The following DUSP19 variants were observed in gnomAD, a reference collection of about 807,000 sequenced individuals.
DUSP19 encodes the protein dual specificity protein phosphatase 19.
DUSP19 carries 14 observed loss-of-function variants against 16.6 expected under a neutral mutation model. The ratio of observed to expected loss-of-function variants is 0.84; its 90% CI spans 0.56 to 1.32. The LOEUF (loss-of-function observed/expected upper bound fraction) is 1.32. Among genes scored for constraint, DUSP19 ranks in the 40% most tolerant of loss-of-function variants. The probability of loss-of-function intolerance (pLI) is 0.00; values close to 1 mark genes in which losing one functional copy is unlikely to be tolerated. For synonymous variants in DUSP19, 81 were observed against 90.5 expected, an observed-to-expected ratio of 0.90 and a Z score of 0.59; for missense variants, 258 against 255.9, an observed-to-expected ratio of 1.01 and a Z score of -0.06.
At chr2:183,079,230 A>C in intron 1 of DUSP19, 71 bp downstream of exon 1, 2 of 1,395,088 alleles carry the variant, frequency 1.4e-6, no homozygotes, top group Non-Finnish European at 2.0e-6. Context: ...TTCCCCCTTT[A>C]TGCGTAATAG....
chr2:183,095,332 ATTTAC>A (rs976885985), intron 3 of DUSP19, 94 bp from the exon 4 acceptor site: 51 of 952,100 alleles, frequency 5.4e-5, no homozygotes, highest in Middle Eastern at 2.5e-4. Context: ...AAAACTGAAT[ATTTAC>A]TTTATACTTT....
intron 1 of DUSP19, 69 bp downstream of exon 1, chr2:183,079,228 T>C (rs1699561055): frequency 1.4e-5 from 20 of 1,404,938 alleles, no homozygotes; most frequent in Non-Finnish European, 1.4e-5. Context: ...TTTTCCCCCT[T>C]TATGCGTAAT....
chr2:183,083,352 G>A, intron 1 of DUSP19, 156 bp from the exon 2 acceptor site: 1 of 609,256 alleles, frequency 1.6e-6, no homozygotes, highest in South Asian at 2.7e-5. Context: ...AGTTTATGTA[G>A]GATGACTGTT....
chr2:183,091,210 T>C (rs1699727982), intron 3 of DUSP19, among the ~76,000 whole-genome samples: 1 of 152,198 alleles, frequency 6.6e-6, no homozygotes, highest in African/African-American at 2.4e-5. Context: ...AGAGACATTA[T>C]GGGTCTAAAT....
chr2:183,086,105 A>G (rs1421800885), intron 2 of DUSP19, among the ~76,000 whole-genome samples: 1 of 151,928 alleles, frequency 6.6e-6, no homozygotes, highest in Non-Finnish European at 1.5e-5. Context: ...CTGAAAGAAA[A>G]TATTTTACAA....
At position 183,095,682 on chromosome 2, in the gene DUSP19, C is replaced by T; in HGVS notation, c.*24C>T. On this transcript the variant is annotated 3_prime_UTR_variant, in exon 4 of 4. Transcript: ENST00000354221. ...GAGTTGCATTGTAGCAGACAATGGA[C>T]AACTGTAGTTTCTGAATTGACTTCT... The T allele has an allele frequency of 6.5e-7, 1 of 1,549,114 alleles. No homozygotes were observed. Among genetic ancestry groups the T allele is most frequent in the Non-Finnish European group, 8.9e-7 (1 of 1,128,548 alleles).
chr2:183,092,186 T>C (rs1699740853), intron 3 of DUSP19, among the ~76,000 whole-genome samples: 1 of 152,228 alleles, frequency 6.6e-6, no homozygotes, highest in African/African-American at 2.4e-5. Flanking sequence ...AAAATTCTTA[T>C]TTCATCATAG....
chr2:183,083,801 A>C (rs1029649171), intron 2 of DUSP19, among the ~76,000 whole-genome samples: 16 of 152,086 alleles, frequency 1.1e-4, no homozygotes, highest in African/African-American at 3.4e-4. Context: ...CCTTGGAGGC[A>C]TGTCTTTCTT....
In DUSP19 at chr2:183,094,934, T is replaced by C. The variant is rs1417178108; in HGVS notation, c.427-497T>C. ...ATTTTATTTTATGTTTCCACATATA[T>C]TTCCTGTGGTTTTTTTCTTATTTAT... is the stretch of plus-strand genomic sequence containing the variant. On this transcript the variant is annotated intron_variant, in intron 3 of 3. Transcript: ENST00000354221. Among the ~76,000 whole-genome samples the C allele has an allele frequency of 2.6e-5, 4 of 152,200 alleles. No homozygotes were observed. In the East Asian group the frequency reaches 7.7e-4, roughly 29 times the overall value.
In DUSP19 at chr2:183,095,903, A is replaced by C; in HGVS notation, c.*245A>C. Reference sequence around the variant, plus strand: ...TTAAATTGCTAAGGGAAAATAACAAAGTGTTAGTAATCATTGCTTTCTGTA... The same window carrying C: ...TTAAATTGCTAAGGGAAAATAACAACGTGTTAGTAATCATTGCTTTCTGTA... On this transcript the variant is annotated 3_prime_UTR_variant, in exon 4 of 4. Transcript: ENST00000354221. 3.5e-6 allele frequency: 1 copy of C among 285,672 alleles called. No homozygotes were observed. Among genetic ancestry groups the C allele is most frequent in the Non-Finnish European group, 6.5e-6 (1 of 153,962 alleles). 17.7% of individuals were successfully genotyped at this position (285,672 alleles called of 1,614,324 possible).
intron 2 of DUSP19, among the ~76,000 whole-genome samples, chr2:183,085,431 A>G (rs142510847): frequency 1.0e-3 from 159 of 152,374 alleles, no homozygotes; most frequent in African/African-American, 3.7e-3. Flanking sequence ...GCAATGTCAG[A>G]TGCTGTAAAA....
intron 3 of DUSP19, among the ~76,000 whole-genome samples, chr2:183,092,411 G>A (rs778387798): frequency 6.6e-6 from 1 of 151,936 alleles, no homozygotes; most frequent in Non-Finnish European, 1.5e-5. Context: ...ACCCCGACAG[G>A]CCCCCAGTTT....
intron 2 of DUSP19, among the ~76,000 whole-genome samples, chr2:183,084,216 G>A (rs532463080): frequency 6.6e-6 from 1 of 152,168 alleles, no homozygotes; most frequent in African/African-American, 2.4e-5. Context: ...GTTTGTTTTT[G>A]GGGGGATAAG....
intron 3 of DUSP19, among the ~76,000 whole-genome samples, chr2:183,094,631 A>G (rs1030404693): frequency 3.3e-5 from 5 of 152,152 alleles, no homozygotes; most frequent in African/African-American, 7.2e-5. Flanking sequence ...ATCATTTGCA[A>G]GTTACCTGAA....
At chr2:183,088,596 G>T (rs1699694178) in intron 3 of DUSP19, among the ~76,000 whole-genome samples, 1 of 151,526 alleles carries the variant, frequency 6.6e-6, no homozygotes, top group Non-Finnish European at 1.5e-5. Flanking sequence ...GTAATTTTTT[G>T]TATTTTAGTA....
In DUSP19 at chr2:183,078,963, A is replaced by T; in HGVS notation, c.30A>T (p.Ala10=). The T allele has an allele frequency of 6.2e-7, 1 of 1,614,170 alleles. No homozygotes were observed. The highest frequency in any genetic ancestry group is 8.5e-7 in the Non-Finnish European group (1 of 1,180,016). Residue 10 remains alanine (A), a synonymous_variant, in exon 1 of 4, where the codon GCA becomes GCT. Coordinates refer to ENST00000354221, the MANE Select transcript of DUSP19 (RefSeq NM_080876.4). ...ACTCCCTTAACCAGGAAATTAAAGC[A>T]TTCTCCCGGAATAATCTCAGGAAGC... MYSLNQEIK[A]FSRNNLRKQC...
rs921441289 is a variant in DUSP19, at chr2:183,099,182, G to A, written c.*3524G>A. ...TCCCCTTCAAGTGTTGTTTCTCCAA[G>A]TAGTCATAAATGTAGCAAGTATAAA... On this transcript the variant is annotated 3_prime_UTR_variant, in exon 4 of 4. Coordinates refer to ENST00000354221, the MANE Select transcript of DUSP19 (RefSeq NM_080876.4). 6.6e-6 allele frequency: 1 copy of A among 152,122 alleles called. No homozygotes were observed. Among genetic ancestry groups the A allele is most frequent in the Admixed American group, 6.6e-5 (1 of 15,264 alleles). 9.4% of individuals were successfully genotyped at this position (152,122 alleles called of 1,614,324 possible).
intron 3 of DUSP19, among the ~76,000 whole-genome samples, chr2:183,089,078 A>C (rs959487547): frequency 1.3e-5 from 2 of 152,228 alleles, no homozygotes; most frequent in East Asian, 1.9e-4. Context: ...AGTAAATTAG[A>C]GTGGATTTTA....
chr2:183,094,319 A>G (rs576335761), intron 3 of DUSP19, among the ~76,000 whole-genome samples: 1 of 152,326 alleles, frequency 6.6e-6, no homozygotes, highest in South Asian at 2.1e-4. Context: ...AGTCATAACA[A>G]TAGTATTGTT....
Sources: gnomAD v4.1 joint callset for allele counts (sites outside exome capture counted in the v4.1 genomes callset) on GRCh38, gnomAD v4.1.1 for gene constraint, MANE v1.5 for transcripts, NCBI Gene and HGNC (gene_info 2026-07-23, HGNC 2026-07-21) for gene names.